The following ACTR3C variants were observed in gnomAD, a reference collection of about 807,000 sequenced individuals.
ACTR3C encodes actin-related protein 3C.
Under a neutral mutation model 26.3 loss-of-function variants are expected in ACTR3C, and 18 were observed. The observed-to-expected ratio is 0.68, with a 90% confidence interval of 0.47 to 1.01. ACTR3C has a LOEUF of 1.01. Ranked by LOEUF, ACTR3C falls within the 50% of genes least tolerant of loss-of-function variation. ACTR3C has a pLI of 0.00. For missense variants in ACTR3C, 184 were observed against 250.7 expected, an observed-to-expected ratio of 0.73 and a Z score of 1.80; for synonymous variants, 55 against 94.5, an observed-to-expected ratio of 0.58 and a Z score of 2.42.
the ACTR3C span, among the ~76,000 whole-genome samples, chr7:150,095,337 C>T: frequency 5.3e-5 from 8 of 150,518 alleles, 1 homozygote; most frequent in Non-Finnish European, 7.4e-5. Context: ...CAGCCCCCGG[C>T]CCCTGAGCAA....
chr7:150,203,803 G>T, the ACTR3C span, among the ~76,000 whole-genome samples: 1 of 152,126 alleles, frequency 6.6e-6, no homozygotes, highest in Non-Finnish European at 1.5e-5. Flanking sequence ...TTGACCTCAG[G>T]TGATCCACCT....
the ACTR3C span, among the ~76,000 whole-genome samples, chr7:150,014,936 T>C: frequency 6.6e-6 from 1 of 152,196 alleles, no homozygotes; most frequent in African/African-American, 2.4e-5. Context: ...TGTTTGACCC[T>C]GGATCAATTT....
the ACTR3C span, among the ~76,000 whole-genome samples, chr7:150,185,442 T>A: frequency 6.6e-6 from 1 of 152,210 alleles, no homozygotes; most frequent in Admixed American, 6.5e-5. Context: ...TCTCATAAAT[T>A]AAGCTAACAT....
the ACTR3C span, among the ~76,000 whole-genome samples, chr7:150,037,725 G>GA: frequency 1.1e-5 from 1 of 93,014 alleles, no homozygotes; most frequent in African/African-American, 4.2e-5. Flanking sequence ...TAAGCCAGGG[G>GA]GGAAGAGGGT....
At chr7:150,137,139 G>A in the ACTR3C span, among the ~76,000 whole-genome samples, 4 of 152,198 alleles carry the variant, frequency 2.6e-5, no homozygotes, top group Admixed American at 2.0e-4. Flanking sequence ...CTCACAGGCT[G>A]TAGACACATA....
the ACTR3C span, among the ~76,000 whole-genome samples, chr7:150,125,879 T>C: frequency 6.6e-6 from 1 of 152,198 alleles, no homozygotes; most frequent in Non-Finnish European, 1.5e-5. Context: ...TTAGGAAGGA[T>C]TAGCTTCATT....
chr7:150,220,844 A>G, the ACTR3C span, among the ~76,000 whole-genome samples: 1 of 152,306 alleles, frequency 6.6e-6, no homozygotes, highest in African/African-American at 2.4e-5. Flanking sequence ...CTCACCCTCA[A>G]AAGCTCAGGC....
the ACTR3C span, among the ~76,000 whole-genome samples, chr7:149,886,089 C>T: frequency 6.6e-6 from 1 of 152,336 alleles, no homozygotes; most frequent in African/African-American, 2.4e-5. Context: ...CTCAACTGGT[C>T]GATAAATGCT....
the ACTR3C span, among the ~76,000 whole-genome samples, chr7:149,986,646 T>C: frequency 6.6e-6 from 1 of 152,116 alleles, no homozygotes; most frequent in Non-Finnish European, 1.5e-5. Flanking sequence ...CTCATTGCAT[T>C]GAATGTTTCT....
the ACTR3C span, among the ~76,000 whole-genome samples, chr7:149,996,352 C>CG: frequency 1.3e-5 from 2 of 150,020 alleles, no homozygotes; most frequent in African/African-American, 2.4e-5. Context: ...CTTGGCATGA[C>CG]GGGGGATGGG....
At chr7:150,051,558 C>T in the ACTR3C span, among the ~76,000 whole-genome samples, 5 of 100,308 alleles carry the variant, frequency 5.0e-5, no homozygotes, top group Non-Finnish European at 6.6e-5. Flanking sequence ...ATTTTTATTC[C>T]TACTTATTGG....
chr7:150,165,414 G>A, the ACTR3C span, among the ~76,000 whole-genome samples: 2 of 151,876 alleles, frequency 1.3e-5, no homozygotes, highest in Non-Finnish European at 2.9e-5. Flanking sequence ...TGGCCAGTCT[G>A]AGAACAAGAG....
the ACTR3C span, among the ~76,000 whole-genome samples, chr7:150,084,530 C>T: frequency 6.6e-6 from 1 of 152,070 alleles, no homozygotes; most frequent in Non-Finnish European, 1.5e-5. Context: ...TATCATGGGG[C>T]TGACTTGAAT....
the ACTR3C span, among the ~76,000 whole-genome samples, chr7:149,925,582 T>C: frequency 6.6e-6 from 1 of 152,036 alleles, no homozygotes; most frequent in Admixed American, 6.5e-5. Context: ...ATGCAGCATA[T>C]GATAAAGGCA....
At chr7:150,310,099 G>A (rs1301142315) in intron 1 of ACTR3C, among the ~76,000 whole-genome samples, 1 of 152,132 alleles carries the variant, frequency 6.6e-6, no homozygotes, top group Non-Finnish European at 1.5e-5. Flanking sequence ...CACCTGCCCA[G>A]TTCCCTTATT....
chr7:150,303,741 A>G (rs897740900), intron 1 of ACTR3C, among the ~76,000 whole-genome samples: 13 of 152,222 alleles, frequency 8.5e-5, no homozygotes, highest in Admixed American at 3.3e-4. Flanking sequence ...ATTATTTATA[A>G]CAAGATCTAA....
At chr7:150,101,185 G>C in the ACTR3C span, among the ~76,000 whole-genome samples, 2 of 151,684 alleles carry the variant, frequency 1.3e-5, no homozygotes, top group African/African-American at 4.9e-5. Context: ...AACAGTAAAC[G>C]CCAAATGCAT....
the ACTR3C span, among the ~76,000 whole-genome samples, chr7:149,885,889 A>G: frequency 6.6e-6 from 1 of 152,224 alleles, no homozygotes; most frequent in African/African-American, 2.4e-5. Context: ...TTTACTTAGC[A>G]GCTCAGCTCA....
chr7:150,137,313 G>C, the ACTR3C span, among the ~76,000 whole-genome samples: 2 of 152,144 alleles, frequency 1.3e-5, no homozygotes, highest in Non-Finnish European at 2.9e-5. Flanking sequence ...GTTTTCTCGG[G>C]TTTTTTACTT....
Sources: allele counts gnomAD v4.1 joint callset (sites outside exome capture counted in the v4.1 genomes callset), GRCh38; gene constraint gnomAD v4.1.1; transcripts MANE v1.5; gene names NCBI Gene and HGNC (gene_info 2026-07-23, HGNC 2026-07-21).